The following C6 variants were observed in gnomAD, a reference collection of about 807,000 sequenced individuals.
C6 encodes the protein complement C6, also known as complement component C6.
A neutral mutation model predicts 112.9 loss-of-function variants in C6; 101 were observed. The ratio of observed to expected loss-of-function variants is 0.89; its 90% CI spans 0.76 to 1.06. The LOEUF (loss-of-function observed/expected upper bound fraction) is 1.06, where lower values mean the gene tolerates loss of function less well. Ranked by LOEUF, C6 falls within the 50% of genes least tolerant of loss-of-function variation. The pLI, the probability that C6 is intolerant of heterozygous loss-of-function variation, is 0.00. For missense variants in C6, 1,202 were observed against 1,104.6 expected (o/e 1.09, Z -1.25); for synonymous variants, 431 against 384.1 (o/e 1.12, Z -1.43).
chr5:41,158,297 C>A (rs1271441237), intron 13 of C6, among the ~76,000 whole-genome samples: 1 of 152,154 alleles, frequency 6.6e-6, no homozygotes, highest in African/African-American at 2.4e-5. Flanking sequence ...GAATTAACAC[C>A]TCCATGATTA....
intron 1 of C6, among the ~76,000 whole-genome samples, chr5:41,234,073 G>C (rs993927338): frequency 6.6e-6 from 1 of 151,914 alleles, no homozygotes; most frequent in African/African-American, 2.4e-5. Flanking sequence ...TCAAGGTTTT[G>C]GTAAGCCAGA....
chr5:41,212,509 G>C (rs16900139), intron 1 of C6, among the ~76,000 whole-genome samples: 10,318 of 152,092 alleles, frequency 0.068, 501 homozygotes, highest in African/African-American at 0.14. Flanking sequence ...TTTTTGTTAT[G>C]ATGGCCTAGC....
At position 41,181,360 on chromosome 5, in the gene C6, T is replaced by C. The variant is rs1208610852; in HGVS notation, c.926A>G (p.Lys309Arg). 2 of 1,613,286 alleles carry C rather than the reference T, an allele frequency of 1.2e-6. No homozygotes were observed. Among genetic ancestry groups the C allele is most frequent in the East Asian group, 4.5e-5 (2 of 44,792 alleles). The change falls in exon 7 of 18, where the codon AAG becomes AGG. Residue 309 changes from lysine to arginine, a missense_variant and splice_region_variant. Lys to Arg is a conservative substitution (Grantham distance 26). Transcript: ENST00000337836. ...AAGGTTGGAAACCATTTTTGATACCTTTTTGTGAGAGGCTTGAATGGCTTG... is the reference window on the plus strand; with the variant it reads ...AAGGTTGGAAACCATTTTTGATACCCTTTTGTGAGAGGCTTGAATGGCTTG... The part of the protein sequence containing the change: ...FKQAIQASHK[K>R]DSSFIRIHKV...
intron 5 of C6, among the ~76,000 whole-genome samples, chr5:41,191,318 G>A (rs569266268): frequency 7.2e-5 from 11 of 152,082 alleles, no homozygotes; most frequent in Admixed American, 5.9e-4. Flanking sequence ...ACCCGCCTCG[G>A]CCTCCCAAAG....
intron 7 of C6, among the ~76,000 whole-genome samples, chr5:41,179,544 G>A (rs894732234): frequency 5.3e-5 from 8 of 151,876 alleles, no homozygotes; most frequent in Non-Finnish European, 1.2e-4. Flanking sequence ...AAGGGAAAGT[G>A]CTAGAGATGT....
intron 1 of C6, among the ~76,000 whole-genome samples, chr5:41,227,252 CTTCTT>C (rs1253182059): frequency 1.3e-5 from 2 of 151,796 alleles, no homozygotes; most frequent in African/African-American, 4.8e-5. Flanking sequence ...ATTTGTATGT[CTTCTT>C]TTGAGAAATG....
chr5:41,206,810 T>C (rs757150659), intron 1 of C6, among the ~76,000 whole-genome samples: 3 of 152,270 alleles, frequency 2.0e-5, no homozygotes, highest in African/African-American at 7.2e-5. Flanking sequence ...CTGCAGGATA[T>C]TATCCAGGAG....
intron 1 of C6, among the ~76,000 whole-genome samples, chr5:41,242,894 TAAA>T (rs11363565): frequency 0.034 from 4,963 of 148,004 alleles, 112 homozygotes; most frequent in Non-Finnish European, 0.05. Context: ...CCAAGTACAG[TAAA>T]AAAAAAAAAA....
At chr5:41,244,966 A>C (rs1407941891) in intron 1 of C6, among the ~76,000 whole-genome samples, 3 of 152,160 alleles carry the variant, frequency 2.0e-5, no homozygotes, top group African/African-American at 7.2e-5. Context: ...TGATTTTTTA[A>C]TGTTAAACTA....
chr5:41,226,308 T>C (rs1475474274), intron 1 of C6, among the ~76,000 whole-genome samples: 2 of 152,106 alleles, frequency 1.3e-5, no homozygotes, highest in East Asian at 1.9e-4. Context: ...GAACAGACAC[T>C]TCTCAAAAGA....
At chr5:41,256,428 T>TA (rs1335317746) in intron 1 of C6, among the ~76,000 whole-genome samples, 3,970 of 35,830 alleles carry the variant, frequency 0.11, 245 homozygotes, top group African/African-American at 0.3. Flanking sequence ...TAAAGTATAA[T>TA]TAAAAAAAAA....
chr5:41,174,906 G>A (rs1335958730), intron 8 of C6, among the ~76,000 whole-genome samples: 2 of 152,176 alleles, frequency 1.3e-5, no homozygotes, highest in Non-Finnish European at 2.9e-5. Flanking sequence ...GTAAGCACAT[G>A]AACTGGAGAA....
intron 11 of C6, 57 bp from the exon 12 acceptor site, chr5:41,159,310 G>A: frequency 1.3e-6 from 2 of 1,585,130 alleles, no homozygotes; most frequent in Non-Finnish European, 1.7e-6. Context: ...TTTGGGTTTG[G>A]AAGTGAGGCC....
intron 7 of C6, among the ~76,000 whole-genome samples, chr5:41,176,987 C>G (rs918986742): frequency 6.6e-6 from 1 of 152,158 alleles, no homozygotes; most frequent in African/African-American, 2.4e-5. Context: ...AATCAGTGAT[C>G]AAAAAAGTCA....
At position 41,149,406 on chromosome 5, in the gene C6, C is replaced by T; in HGVS notation, c.2458G>A (p.Ala820Thr). ...TGCTGATTATTTAAACATTTCTCAG[C>T]CAAAAACTTACAAGCGGGTGAAGTA... ...YFTSPACKFL[A>T]EKCLNNQQLH... The change falls in exon 17 of 18, where the codon GCT (alanine) becomes ACT (threonine). Residue 820 changes from alanine (A) to threonine (T), a missense_variant. Ala to Thr is a moderately conservative substitution (Grantham distance 58). Transcript: ENST00000337836. 1 of 1,614,070 alleles carries T rather than the reference C, an allele frequency of 6.2e-7. No individual in the cohort carries two copies. Among genetic ancestry groups the T allele is most frequent in the South Asian group, 1.1e-5 (1 of 91,068 alleles).
In C6 at chr5:41,192,399, A is replaced by G. The variant is rs75671768; in HGVS notation, c.587+3393T>C. 4.7e-3 allele frequency among the ~76,000 whole-genome samples: 715 copies of G among 152,272 alleles called. 6 individuals carry two copies. Among genetic ancestry groups the G allele is most frequent in the African/African-American group, 0.016 (656 of 41,564 alleles). On this transcript the variant is annotated intron_variant, in intron 5 of 17. Transcript: ENST00000337836. Reference sequence around the variant, plus strand: ...GGTATCAGTGTTATACTAGTCTTGTAGAATGAGTTTGGAAAAGTTCCCTTT... The same window carrying G: ...GGTATCAGTGTTATACTAGTCTTGTGGAATGAGTTTGGAAAAGTTCCCTTT...
intron 11 of C6, among the ~76,000 whole-genome samples, chr5:41,159,747 A>G (rs188590658): frequency 5.9e-5 from 9 of 152,292 alleles, no homozygotes; most frequent in Admixed American, 5.9e-4. Flanking sequence ...TTACAAAGCC[A>G]TCCTTCTATA....
At chr5:41,260,448 A>C (rs2910646) in intron 1 of C6, among the ~76,000 whole-genome samples, 124,060 of 144,126 alleles carry the variant, frequency 0.86, 53,521 homozygotes, top group Admixed American at 0.92. Flanking sequence ...AAACAAATAA[A>C]CCCCCCCCCA....
At chr5:41,221,846 T>C (rs1179323977) in intron 1 of C6, among the ~76,000 whole-genome samples, 1 of 152,094 alleles carries the variant, frequency 6.6e-6, no homozygotes, top group Non-Finnish European at 1.5e-5. Flanking sequence ...TAAAAGTTAT[T>C]TTCTTATATT....
Sources: allele counts gnomAD v4.1 joint callset (sites outside exome capture counted in the v4.1 genomes callset), GRCh38; gene constraint gnomAD v4.1.1; transcripts MANE v1.5; gene names NCBI Gene and HGNC (gene_info 2026-07-23, HGNC 2026-07-21).